The following PSD3 variants were observed in gnomAD, a reference collection of about 807,000 sequenced individuals.
PSD3 encodes pleckstrin and Sec7 domain containing 3.
Under a neutral mutation model 105.5 loss-of-function variants are expected in PSD3, and 49 were observed. The observed-to-expected ratio is 0.46, with a 90% CI of 0.37 to 0.59. PSD3 has a LOEUF of 0.59. Among genes scored for constraint, PSD3 ranks in the 20% least tolerant of loss-of-function variants. PSD3 has a pLI of 0.00. For synonymous variants in PSD3, 557 were observed against 457.8 expected (o/e 1.22, Z -2.77); for missense variants, 1,561 against 1,263.8 (o/e 1.24, Z -3.57).
At chr8:18,816,236 T>A (rs186988633) in intron 4 of PSD3, among the ~76,000 whole-genome samples, 2 of 152,352 alleles carry the variant, frequency 1.3e-5, no homozygotes, top group African/African-American at 4.8e-5. Context: ...TACACTATTT[T>A]AAGCACTTTA....
rs1259594180 is a variant in PSD3, at chr8:18,726,962, G to A, written c.2172+38487C>T. On this transcript the variant is annotated intron_variant, in intron 9 of 15. Transcript: ENST00000327040. ...CAGCACTTGCACTTTGGGAGGCAGA[G>A]GCAGGAGGATCACCTGAAGTCAGGA... Among the ~76,000 whole-genome samples, 3 of 152,136 alleles carry A rather than the reference G, an allele frequency of 2.0e-5. No homozygotes were observed. In the East Asian group the frequency reaches 5.8e-4, roughly 29 times the overall value.
chr8:19,079,451 T>C (rs558156886), intron 1 of PSD3, among the ~76,000 whole-genome samples: 1 of 152,330 alleles, frequency 6.6e-6, no homozygotes, highest in Non-Finnish European at 1.5e-5. Flanking sequence ...AAATTCTAAA[T>C]GACTCACCAA....
intron 9 of PSD3, among the ~76,000 whole-genome samples, chr8:18,673,244 T>C (rs1799886939): frequency 6.6e-6 from 1 of 151,996 alleles, no homozygotes; most frequent in Admixed American, 6.6e-5. Context: ...CCCGTCTCTT[T>C]CTTTCCACTC....
intron 2 of PSD3, among the ~76,000 whole-genome samples, chr8:18,892,368 C>G (rs888978219): frequency 6.6e-6 from 1 of 151,536 alleles, no homozygotes; most frequent in Non-Finnish European, 1.5e-5. Flanking sequence ...GGACTACAGG[C>G]GCCCGCCACC....
intron 1 of PSD3, among the ~76,000 whole-genome samples, chr8:19,007,863 A>T (rs1396744166): frequency 1.3e-5 from 2 of 151,862 alleles, no homozygotes; most frequent in Non-Finnish European, 2.9e-5. Context: ...TTTATTTTTG[A>T]GAGGGAGTCT....
chr8:18,951,499 T>G (rs1358315691), intron 1 of PSD3, among the ~76,000 whole-genome samples: 2 of 152,170 alleles, frequency 1.3e-5, no homozygotes, highest in Non-Finnish European at 2.9e-5. Context: ...CCACCATTCC[T>G]ACAACACAAA....
chr8:19,015,348 C>G (rs140936614), upstream of PSD3, among the ~76,000 whole-genome samples: 3 of 152,292 alleles, frequency 2.0e-5, no homozygotes, highest in East Asian at 5.8e-4. Context: ...TGTAAACTGC[C>G]CAGTCTCCGG....
At chr8:19,021,560 A>C (rs1426914) in intron 1 of PSD3, among the ~76,000 whole-genome samples, 44,141 of 131,430 alleles carry the variant, frequency 0.34, 7,649 homozygotes, top group Non-Finnish European at 0.47. Context: ...TTTTGTTACA[A>C]AAAAAAAAAA....
chr8:18,587,892 T>C (rs1193326840), intron 12 of PSD3, among the ~76,000 whole-genome samples: 2 of 152,138 alleles, frequency 1.3e-5, no homozygotes, highest in African/African-American at 2.4e-5. Context: ...CTTGTAATCA[T>C]ATAATTTACT....
chr8:18,973,828 A>C (rs1226576547), intron 1 of PSD3, among the ~76,000 whole-genome samples: 1 of 152,214 alleles, frequency 6.6e-6, no homozygotes, highest in African/African-American at 2.4e-5. Flanking sequence ...ATAGAATATG[A>C]GTTACTAAGG....
intron 9 of PSD3, among the ~76,000 whole-genome samples, chr8:18,680,366 G>C (rs1486303447): frequency 6.6e-6 from 1 of 152,138 alleles, no homozygotes; most frequent in Non-Finnish European, 1.5e-5. Context: ...AAATCAATTA[G>C]AATCTAATTG....
chr8:18,613,125 AAAC>A (rs1398247870), intron 11 of PSD3, among the ~76,000 whole-genome samples: 1 of 152,134 alleles, frequency 6.6e-6, no homozygotes, highest in Non-Finnish European at 1.5e-5. Context: ...GGAAAAATAT[AAAC>A]ACCAGTGATA....
chr8:18,644,810 G>C (rs1278589229), intron 10 of PSD3, among the ~76,000 whole-genome samples: 1 of 152,176 alleles, frequency 6.6e-6, no homozygotes, highest in Admixed American at 6.5e-5. Flanking sequence ...GTCGTAGTCT[G>C]TTTTGGGTTG....
intron 10 of PSD3, among the ~76,000 whole-genome samples, chr8:18,644,721 A>G (rs1807903402): frequency 6.6e-6 from 1 of 151,998 alleles, no homozygotes; most frequent in South Asian, 2.1e-4. Flanking sequence ...GCTTCTGTGG[A>G]TTACCCAATT....
chr8:18,954,920 G>C (rs1301590435), intron 1 of PSD3, among the ~76,000 whole-genome samples: 1 of 152,136 alleles, frequency 6.6e-6, no homozygotes, highest in African/African-American at 2.4e-5. Context: ...AACTTTGTAA[G>C]TGACGTCACG....
At chr8:18,542,086 T>C (rs1007635330) in intron 15 of PSD3, among the ~76,000 whole-genome samples, 6 of 152,050 alleles carry the variant, frequency 3.9e-5, no homozygotes, top group Non-Finnish European at 7.4e-5. Flanking sequence ...ACATGAAAAA[T>C]AGACTTTATT....
intron 8 of PSD3, among the ~76,000 whole-genome samples, chr8:18,788,803 C>T (rs1006763970): frequency 6.6e-6 from 1 of 152,170 alleles, no homozygotes; most frequent in African/African-American, 2.4e-5. Context: ...TTGGTAATTA[C>T]TTCAGTTATG....
At chr8:18,815,838 C>A (rs1812174762) in intron 4 of PSD3, among the ~76,000 whole-genome samples, 1 of 152,162 alleles carries the variant, frequency 6.6e-6, no homozygotes, top group Non-Finnish European at 1.5e-5. Context: ...CATATCCTCT[C>A]TACACTGAGT....
intron 2 of PSD3, among the ~76,000 whole-genome samples, chr8:18,925,950 T>TAA (rs1322869046): frequency 1.3e-5 from 2 of 152,186 alleles, no homozygotes; most frequent in Non-Finnish European, 2.9e-5. Flanking sequence ...TTAGAAATGA[T>TAA]AGAGTTTTTA....
Sources: gnomAD v4.1 joint callset for allele counts (sites outside exome capture counted in the v4.1 genomes callset) on GRCh38, gnomAD v4.1.1 for gene constraint, MANE v1.5 for transcripts, NCBI Gene and HGNC (gene_info 2026-07-23, HGNC 2026-07-21) for gene names.